The following ANO1 variants were observed in gnomAD, a reference collection of about 807,000 sequenced individuals.
ANO1 encodes the protein anoctamin-1.
In ANO1, 59 loss-of-function variants were observed where a neutral mutation model predicts 124.0. The observed-to-expected ratio is 0.48, with a 90% CI of 0.39 to 0.59. The LOEUF (loss-of-function observed/expected upper bound fraction) is 0.59. Among genes scored for constraint, ANO1 ranks in the 20% least tolerant of loss-of-function variants. The pLI is 0.00. For missense variants in ANO1, 1,059 were observed against 1,328.0 expected (o/e 0.80, Z 3.15); for synonymous variants, 529 against 532.0 (o/e 0.99, Z 0.08).
At chr11:70,033,824 A>G (rs1029841126) in intron 1 of ANO1, among the ~76,000 whole-genome samples, 14 of 152,196 alleles carry the variant, frequency 9.2e-5, no homozygotes, top group Non-Finnish European at 1.8e-4. Context: ...AGAGGCCAAT[A>G]CAGGTTCGCT....
At chr11:70,172,942 T>C (rs967479123) in intron 22 of ANO1, among the ~76,000 whole-genome samples, 23 of 152,174 alleles carry the variant, frequency 1.5e-4, no homozygotes, top group African/African-American at 5.3e-4. Flanking sequence ...GTCATTCTCG[T>C]TGGAAACACC....
chr11:70,185,209 A>G (rs1422061746), intron 24 of ANO1, among the ~76,000 whole-genome samples: 1 of 152,182 alleles, frequency 6.6e-6, no homozygotes, highest in African/African-American at 2.4e-5. Context: ...CTTGGGGCCT[A>G]TTGGAGTTTC....
rs377498059 is a variant in ANO1 at position 70,040,864 on chromosome 11, T to C, written c.59-37678T>C. Among the ~76,000 whole-genome samples, 27 of 152,268 alleles carry C rather than the reference T, an allele frequency of 1.8e-4. 1 individual carries two copies. The highest frequency in any genetic ancestry group is 5.8e-4 in the African/African-American group (24 of 41,548). ...ACAGCTGCACAGATTCCATGTGCTG[T>C]CAGAAAACAGAACTTAGAAGAAAAG... On this transcript the variant is annotated intron_variant, in intron 1 of 27. Transcript: ENST00000531349.
At chr11:70,131,856 C>A in intron 10 of ANO1, 63 bp from the exon 11 acceptor site, 1 of 1,541,004 alleles carries the variant, frequency 6.5e-7, no homozygotes, top group South Asian at 1.2e-5. Context: ...GCCAGCTCGG[C>A]ACCCAGGAGG....
chr11:70,112,227 G>GGA (rs1368395608), intron 7 of ANO1, among the ~76,000 whole-genome samples: 2 of 152,152 alleles, frequency 1.3e-5, no homozygotes, highest in Admixed American at 1.3e-4. Flanking sequence ...GACTTGGGGT[G>GGA]GAGAGAGAGA....
chr11:70,103,298 C>A lies in ANO1; in HGVS notation c.540+134C>A, dbSNP rs867755076. 3 of 693,558 alleles carry A rather than the reference C, an allele frequency of 4.3e-6. No individual in the cohort carries two copies. In the South Asian group the frequency reaches 5.9e-5, roughly 14 times the overall value. The allele number at this position is 693,558 out of a possible 1,614,324, so 43.0% of individuals were successfully genotyped here. ...AACCCAGTGGGCTTCACGGCTACCCCTGCAAAGACCATGTGGCTCGATGTG... is the reference window on the plus strand; with the variant it reads ...AACCCAGTGGGCTTCACGGCTACCCATGCAAAGACCATGTGGCTCGATGTG... On this transcript the variant is annotated intron_variant, in intron 3 of 25. Coordinates refer to ENST00000355303, the MANE Select transcript of ANO1 (RefSeq NM_018043.7).
At chr11:70,026,614 C>T (rs1342405015) in intron 1 of ANO1, among the ~76,000 whole-genome samples, 1 of 151,998 alleles carries the variant, frequency 6.6e-6, no homozygotes, top group African/African-American at 2.4e-5. Flanking sequence ...CGACTGATAT[C>T]ACCCTTGCTG....
intron 11 of ANO1, among the ~76,000 whole-genome samples, chr11:70,139,898 T>C (rs1344144663): frequency 2.0e-5 from 3 of 152,250 alleles, no homozygotes; most frequent in African/African-American, 7.2e-5. Flanking sequence ...CTGGCGTGTG[T>C]GCTGAACACG....
At chr11:69,992,754 C>T (rs1856181456) in intron 1 of ANO1, among the ~76,000 whole-genome samples, 1 of 152,196 alleles carries the variant, frequency 6.6e-6, no homozygotes, top group South Asian at 2.1e-4. Context: ...GCCTTCGTCT[C>T]TCCCCGTGCC....
At chr11:70,078,803 G>A in intron 1 of ANO1, 89 bp downstream of exon 1, 1 of 828,610 alleles carries the variant, frequency 1.2e-6, no homozygotes, top group Non-Finnish European at 1.6e-6. Flanking sequence ...GGGCCTCCTG[G>A]GACCCCAGGG....
At chr11:70,154,567 C>T (rs569346511) in intron 14 of ANO1, among the ~76,000 whole-genome samples, 12 of 149,196 alleles carry the variant, frequency 8.0e-5, no homozygotes, top group African/African-American at 2.0e-4. Flanking sequence ...CCCAGGTTCA[C>T]GCCATTCTCC....
chr11:70,014,013 GA>G (rs1555001508), intron 1 of ANO1, among the ~76,000 whole-genome samples: 4 of 151,636 alleles, frequency 2.6e-5, no homozygotes, highest in African/African-American at 9.7e-5. Flanking sequence ...GAGAGAGAGA[GA>G]GAGAGATCTC....
At chr11:70,056,954 G>T in intron 1 of ANO1, among the ~76,000 whole-genome samples, 1 of 146,890 alleles carries the variant, frequency 6.8e-6, no homozygotes, top group African/African-American at 2.5e-5. Flanking sequence ...TCTCATTTTT[G>T]GCTTTGGAAT....
At chr11:70,155,596 T>G (rs1053386318) in intron 14 of ANO1, among the ~76,000 whole-genome samples, 4 of 152,198 alleles carry the variant, frequency 2.6e-5, no homozygotes, top group African/African-American at 9.6e-5. Context: ...CCTGCACATT[T>G]GGCCACTACC....
chr11:70,146,410 C>T (rs926734829), intron 11 of ANO1, among the ~76,000 whole-genome samples: 2 of 152,150 alleles, frequency 1.3e-5, no homozygotes, highest in Admixed American at 1.3e-4. Context: ...ATGCTGCAAG[C>T]TGGCCAGTGC....
intron 8 of ANO1, among the ~76,000 whole-genome samples, chr11:70,123,435 T>TGTGGAG (rs1406159705): frequency 6.6e-6 from 1 of 152,192 alleles, no homozygotes; most frequent in Non-Finnish European, 1.5e-5. Context: ...CTATGTCAGC[T>TGTGGAG]GTGGAGATGG....
At chr11:70,130,354 A>G (rs2046702351) in intron 10 of ANO1, among the ~76,000 whole-genome samples, 1 of 152,142 alleles carries the variant, frequency 6.6e-6, no homozygotes, top group African/African-American at 2.4e-5. Context: ...AGGCCACCCA[A>G]CTTCCACAAG....
chr11:70,103,884 C>A, intron 3 of ANO1, 115 bp from the exon 4 acceptor site: 1 of 1,208,914 alleles, frequency 8.3e-7, no homozygotes, highest in Non-Finnish European at 1.1e-6. Flanking sequence ...GTGCTCTGCT[C>A]TCAGGACGCC....
At chr11:70,128,073 C>G (rs895715781) in intron 10 of ANO1, among the ~76,000 whole-genome samples, 1 of 152,194 alleles carries the variant, frequency 6.6e-6, no homozygotes, top group Non-Finnish European at 1.5e-5. Flanking sequence ...AGGAAAGAAA[C>G]TGACTCTTTG....
Sources: gnomAD v4.1 joint callset for allele counts (sites outside exome capture counted in the v4.1 genomes callset) on GRCh38, gnomAD v4.1.1 for gene constraint, MANE v1.5 for transcripts, NCBI Gene and HGNC (gene_info 2026-07-23, HGNC 2026-07-21) for gene names.